ELOC: variants seen among roughly 807,000 people sequenced by gnomAD.
The protein encoded by ELOC is elongin-C.
For synonymous variants in ELOC, 40 were observed against 51.3 expected, an observed-to-expected ratio of 0.78 and a Z score of 0.94; for missense variants, 38 against 139.0, an observed-to-expected ratio of 0.27 and a Z score of 3.65.
intron 3 of ELOC, among the ~76,000 whole-genome samples, chr8:73,954,978 G>C (rs1000328793): frequency 7.0e-6 from 1 of 142,358 alleles, no homozygotes; most frequent in African/African-American, 2.6e-5. Context: ...AGGTTGCAGT[G>C]AGCCGAGATG....
At chr8:73,951,971 G>A (rs1390274476) in intron 3 of ELOC, among the ~76,000 whole-genome samples, 1 of 152,154 alleles carries the variant, frequency 6.6e-6, no homozygotes, top group Non-Finnish European at 1.5e-5. Context: ...GCAAAAGAAT[G>A]AAGCTGATCT....
chr8:73,955,194 G>T (rs550576787), intron 3 of ELOC, among the ~76,000 whole-genome samples: 14 of 152,114 alleles, frequency 9.2e-5, no homozygotes, highest in Admixed American at 9.2e-4. Flanking sequence ...GGCCAGGCAT[G>T]CAAAAGGCTC....
Position 73,948,119 on chromosome 8 carries a change from G to C in ELOC, c.149-1299C>G, listed in dbSNP as rs554855067. On this transcript the variant is annotated intron_variant, in intron 3 of 3. Transcript: ENST00000520242. ...AGGCAGGAGAATTTCTTGAACCCAG[G>C]AGGCAGAGGTTGCAGTGAGCCAAGA... Among the ~76,000 whole-genome samples the C allele has an allele frequency of 1.1e-3, 166 of 151,816 alleles. 1 individual carries two copies. Among genetic ancestry groups the C allele is most frequent in the African/African-American group, 3.8e-3 (158 of 41,424 alleles).
At position 73,959,794 on chromosome 8, in the gene ELOC, C is replaced by T. The variant is rs975759176; in HGVS notation, c.-26G>A. ...TTTGTTCTTATGAAATTCTACTTTG[C>T]TTCCCCAGGAACTTTAGTAGTTTCC... On this transcript the variant is annotated 5_prime_UTR_variant, in exon 2 of 4. Coordinates refer to ENST00000520242, the MANE Select transcript of ELOC (RefSeq NM_005648.4). 3 of 1,550,174 alleles carry T rather than the reference C, an allele frequency of 1.9e-6. No individual in the cohort carries two copies. The highest frequency in any genetic ancestry group is 2.8e-5 in the African/African-American group (2 of 72,116).
In ELOC at chr8:73,968,928, C is replaced by G. The variant is rs142862985; in HGVS notation, c.-51+3149G>C. Among the ~76,000 whole-genome samples the G allele has an allele frequency of 6.6e-5, 10 of 152,280 alleles. No homozygotes were observed. In the East Asian group the frequency reaches 1.9e-3, roughly 29 times the overall value. ...TTGAAACATTTCTTCCTTAGTACTC[C>G]AGATGTCACACACTCCTGGCTTTTC... is the stretch of plus-strand genomic sequence containing the variant. On this transcript the variant is annotated intron_variant, in intron 1 of 3. Transcript: ENST00000520242.
At chr8:73,967,667 C>T (rs1429244383) in intron 1 of ELOC, among the ~76,000 whole-genome samples, 1 of 152,028 alleles carries the variant, frequency 6.6e-6, no homozygotes, top group Non-Finnish European at 1.5e-5. Flanking sequence ...CAGGGTTTCA[C>T]CATTTGGTCA....
chr8:73,966,638 TTTC>T (rs959345449), intron 1 of ELOC, among the ~76,000 whole-genome samples: 2 of 151,110 alleles, frequency 1.3e-5, no homozygotes, highest in Non-Finnish European at 2.9e-5. Flanking sequence ...CCGGCTAAAA[TTTC>T]TTTTTTTTTT....
At chr8:73,959,655 C>T (rs1814458084) in intron 2 of ELOC, 110 bp downstream of exon 2, 1 of 907,684 alleles carries the variant, frequency 1.1e-6, no homozygotes, top group Non-Finnish European at 1.6e-6. Context: ...ATGTGGACAA[C>T]TAATTTCAGT....
chr8:73,962,140 C>T (rs573126346), intron 1 of ELOC, among the ~76,000 whole-genome samples: 1 of 152,324 alleles, frequency 6.6e-6, no homozygotes, highest in South Asian at 2.1e-4. Context: ...AAGTGATCCA[C>T]CCAACTCAGC....
chr8:73,952,587 C>A (rs1040856293), intron 3 of ELOC, among the ~76,000 whole-genome samples: 3 of 150,462 alleles, frequency 2.0e-5, no homozygotes, highest in Admixed American at 2.0e-4. Flanking sequence ...AAGACCTTCC[C>A]GGCTAACACA....
At chr8:73,967,733 G>A (rs183961806) in intron 1 of ELOC, among the ~76,000 whole-genome samples, 1 of 152,294 alleles carries the variant, frequency 6.6e-6, no homozygotes, top group East Asian at 1.9e-4. Context: ...CTCCCAAAGT[G>A]CTGGGATTAC....
At chr8:73,966,961 T>C (rs1815020286) in intron 1 of ELOC, among the ~76,000 whole-genome samples, 2 of 152,192 alleles carry the variant, frequency 1.3e-5, no homozygotes, top group African/African-American at 4.8e-5. Flanking sequence ...GCTATGTCAC[T>C]GCGGGAGAAC....
intron 3 of ELOC, among the ~76,000 whole-genome samples, chr8:73,951,753 A>C (rs571835388): frequency 6.6e-6 from 1 of 152,316 alleles, no homozygotes; most frequent in East Asian, 1.9e-4. Context: ...CAGAAAAACA[A>C]AGTTGGAGGC....
intron 3 of ELOC, among the ~76,000 whole-genome samples, chr8:73,953,083 T>C (rs1813882638): frequency 6.6e-6 from 1 of 152,052 alleles, no homozygotes; most frequent in Non-Finnish European, 1.5e-5. Flanking sequence ...GGTGGGCTGA[T>C]CACTTGAAGC....
intron 3 of ELOC, among the ~76,000 whole-genome samples, chr8:73,949,278 G>A (rs766343636): frequency 6.6e-6 from 1 of 152,128 alleles, no homozygotes; most frequent in African/African-American, 2.4e-5. Context: ...ACAACAATGA[G>A]GTAAATTTTG....
At chr8:73,957,477 A>C (rs1275960137) in intron 2 of ELOC, among the ~76,000 whole-genome samples, 1 of 152,196 alleles carries the variant, frequency 6.6e-6, no homozygotes, top group East Asian at 1.9e-4. Flanking sequence ...CTTAAGGTTT[A>C]TTCTAAAAAC....
At chr8:73,960,144 G>A (rs1263383697) in intron 1 of ELOC, among the ~76,000 whole-genome samples, 2 of 152,172 alleles carry the variant, frequency 1.3e-5, no homozygotes, top group Non-Finnish European at 1.5e-5. Flanking sequence ...TAACAGACGT[G>A]TAAAAATGTT....
chr8:73,958,700 G>A (rs1467357673), intron 2 of ELOC, among the ~76,000 whole-genome samples: 1 of 152,126 alleles, frequency 6.6e-6, no homozygotes, highest in Non-Finnish European at 1.5e-5. Flanking sequence ...AACATTGTAT[G>A]TTTGTCAGGA....
chr8:73,954,320 T>C (rs186827339), intron 3 of ELOC, among the ~76,000 whole-genome samples: 2 of 152,298 alleles, frequency 1.3e-5, no homozygotes, highest in African/African-American at 4.8e-5. Context: ...TTAAAACAGC[T>C]GCTTTTACAT....
Sources: gnomAD v4.1 joint callset for allele counts (sites outside exome capture counted in the v4.1 genomes callset) on GRCh38, gnomAD v4.1.1 for gene constraint, MANE v1.5 for transcripts, NCBI Gene and HGNC (gene_info 2026-07-23, HGNC 2026-07-21) for gene names.